The following TNRC6B variants were observed in gnomAD, a reference collection of about 807,000 sequenced individuals.
The protein encoded by TNRC6B is trinucleotide repeat containing adaptor 6B.
A neutral mutation model predicts 203.6 loss-of-function variants in TNRC6B; 52 were observed. The ratio of observed to expected loss-of-function variants is 0.26; its 90% CI spans 0.20 to 0.32. TNRC6B has a LOEUF of 0.32. TNRC6B is among the 10% of genes least tolerant of loss of function. TNRC6B has a pLI of 1.00. For synonymous variants in TNRC6B, 838 were observed against 845.7 expected (o/e 0.99, Z 0.16); for missense variants, 1,923 against 2,286.2 (o/e 0.84, Z 3.24).
rs771159012 is a variant in TNRC6B, at chr22:40,265,182, G to A, written c.952G>A (p.Gly318Arg). The A allele has an allele frequency of 1.9e-6, 3 of 1,613,836 alleles. No individual in the cohort carries two copies. The highest frequency in any genetic ancestry group is 2.7e-5 in the African/African-American group (2 of 74,914). The change falls in exon 5 of 23, where the codon GGA (glycine) becomes AGA (arginine). Residue 318 changes from glycine (G) to arginine (R), a missense_variant. Coordinates refer to ENST00000454349, the MANE Select transcript of TNRC6B (RefSeq NM_001162501.2). ...TGCCTGGCCAGCACTGGTCCAAGAA[G>A]GAACTTCTAGGAAAGGGGCATTGGA... ...PSAWPALVQE[G>R]TSRKGALETD...
intron 3 of TNRC6B, among the ~76,000 whole-genome samples, chr22:40,145,917 C>T (rs1228417983): frequency 4.6e-5 from 7 of 152,130 alleles, no homozygotes. Context: ...GGCATATAAT[C>T]TGCATGGCAA....
chr22:40,195,756 ATTTTG>A (rs561178664), intron 1 of TNRC6B, among the ~76,000 whole-genome samples: 96 of 149,482 alleles, frequency 6.4e-4, no homozygotes, highest in Middle Eastern at 3.6e-3. Flanking sequence ...CCTCAGCTTT[ATTTTG>A]TTTTGTTTTG....
At chr22:40,138,805 C>T (rs1244541057) in intron 3 of TNRC6B, among the ~76,000 whole-genome samples, 1 of 152,054 alleles carries the variant, frequency 6.6e-6, no homozygotes, top group Non-Finnish European at 1.5e-5. Flanking sequence ...TAAGAATTCA[C>T]TCTCTCAAAG....
At chr22:40,170,700 TATAC>T (rs1030293483) in intron 4 of TNRC6B, among the ~76,000 whole-genome samples, 3 of 139,194 alleles carry the variant, frequency 2.2e-5, no homozygotes, top group African/African-American at 7.8e-5. Flanking sequence ...CAAAAATTCC[TATAC>T]ATACATATAT....
At chr22:40,101,204 GGATGGTCTCGA>G (rs1447748202) in intron 1 of TNRC6B, among the ~76,000 whole-genome samples, 1 of 152,114 alleles carries the variant, frequency 6.6e-6, no homozygotes, top group Non-Finnish European at 1.5e-5. Context: ...GCGTTAGCCA[GGATGGTCTCGA>G]TCTCCTAACC....
At chr22:40,093,790 ACTTC>A (rs2068166830) in intron 1 of TNRC6B, among the ~76,000 whole-genome samples, 1 of 152,180 alleles carries the variant, frequency 6.6e-6, no homozygotes, top group East Asian at 1.9e-4. Flanking sequence ...GTGTTGTTTA[ACTTC>A]TCCGTTTCCT....
intron 4 of TNRC6B, among the ~76,000 whole-genome samples, chr22:40,159,053 C>T (rs917990732): frequency 6.6e-6 from 1 of 151,806 alleles, no homozygotes; most frequent in African/African-American, 2.4e-5. Context: ...AGCTCCGCCT[C>T]CCGGGTTCAC....
At chr22:40,243,061 G>GT (rs1413384869) in intron 1 of TNRC6B, among the ~76,000 whole-genome samples, 1 of 151,854 alleles carries the variant, frequency 6.6e-6, no homozygotes, top group Non-Finnish European at 1.5e-5. Context: ...AGTAGAGATG[G>GT]GGTTTCACTG....
intron 2 of TNRC6B, among the ~76,000 whole-genome samples, chr22:40,123,904 T>TA (rs1229724095): frequency 1.3e-5 from 2 of 151,762 alleles, no homozygotes; most frequent in Non-Finnish European, 2.9e-5. Flanking sequence ...CTTTTTTTTT[T>TA]TTTTTTTGCA....
intron 15 of TNRC6B, among the ~76,000 whole-genome samples, chr22:40,302,865 A>G (rs1051567413): frequency 6.6e-6 from 1 of 152,082 alleles, no homozygotes; most frequent in Non-Finnish European, 1.5e-5. Flanking sequence ...CTTAAAGATG[A>G]TCTGCCTGAT....
intron 1 of TNRC6B, among the ~76,000 whole-genome samples, chr22:40,076,282 C>T (rs1601801042): frequency 6.6e-6 from 1 of 152,138 alleles, no homozygotes; most frequent in East Asian, 1.9e-4. Context: ...GCAGACATGG[C>T]AGCATACATC....
intron 1 of TNRC6B, among the ~76,000 whole-genome samples, chr22:40,088,154 ATC>A (rs1317314292): frequency 1.3e-5 from 2 of 152,162 alleles, no homozygotes; most frequent in African/African-American, 4.8e-5. Context: ...AGACTTTCCT[ATC>A]TCGTCTCATC....
chr22:40,307,548 C>T (rs886619221), intron 15 of TNRC6B, among the ~76,000 whole-genome samples: 3 of 151,998 alleles, frequency 2.0e-5, no homozygotes, highest in Admixed American at 6.6e-5. Flanking sequence ...AAATGGATGA[C>T]GGACCCTGTT....
At chr22:40,120,100 T>G (rs547642645) in intron 2 of TNRC6B, among the ~76,000 whole-genome samples, 108 of 152,228 alleles carry the variant, frequency 7.1e-4, no homozygotes, top group Middle Eastern at 3.4e-3. Flanking sequence ...GGCTCACACC[T>G]AAATCCCAGC....
intron 2 of TNRC6B, among the ~76,000 whole-genome samples, chr22:40,117,903 C>A (rs983985184): frequency 6.6e-6 from 1 of 152,088 alleles, no homozygotes; most frequent in Non-Finnish European, 1.5e-5. Context: ...AATATATAAA[C>A]CCTTTGAGAC....
chr22:40,202,371 A>G lies in TNRC6B; in HGVS notation c.5+24231A>G, dbSNP rs574558367. 4.6e-5 allele frequency among the ~76,000 whole-genome samples: 7 copies of G among 151,904 alleles called. No individual in the cohort carries two copies. In the South Asian group the frequency reaches 1.5e-3, roughly 32 times the overall value. On this transcript the variant is annotated intron_variant, in intron 1 of 22. Transcript: ENST00000454349. Reference sequence around the variant, plus strand: ...TACTTTTCACATTTGAAAGAATCAAATAACTTATTTTTAGGGTATTATAAT... The same window carrying G: ...TACTTTTCACATTTGAAAGAATCAAGTAACTTATTTTTAGGGTATTATAAT...
chr22:40,127,333 A>G (rs2068502250), intron 3 of TNRC6B, among the ~76,000 whole-genome samples: 1 of 151,954 alleles, frequency 6.6e-6, no homozygotes, highest in Non-Finnish European at 1.5e-5. Flanking sequence ...TTCCCATATC[A>G]CCAGATTTCT....
At position 40,247,203 on chromosome 22, in the gene TNRC6B, A is replaced by G. The variant is rs187526803; in HGVS notation, c.93+1101A>G. Among the ~76,000 whole-genome samples, 5 of 152,182 alleles carry G rather than the reference A, an allele frequency of 3.3e-5. No individual in the cohort carries two copies. The East Asian group carries it at 9.7e-4, about 29-fold the overall frequency. ...GAGGTAAGGTGATTTTCTGTCAGGTATTGTTACTGCTATGTAAAGCATTTG... is the reference window on the plus strand; with the variant it reads ...GAGGTAAGGTGATTTTCTGTCAGGTGTTGTTACTGCTATGTAAAGCATTTG... On this transcript the variant is annotated intron_variant, in intron 2 of 22. Coordinates refer to ENST00000454349, the MANE Select transcript of TNRC6B (RefSeq NM_001162501.2).
intron 1 of TNRC6B, chr22:40,106,882 A>G (rs540533504): frequency 1.5e-4 from 148 of 976,046 alleles, no homozygotes; most frequent in Non-Finnish European, 2.0e-4. Flanking sequence ...CCATCTGCCT[A>G]TGTTCCTTGT....
Sources: gnomAD v4.1 joint callset for allele counts (sites outside exome capture counted in the v4.1 genomes callset) on GRCh38, gnomAD v4.1.1 for gene constraint, MANE v1.5 for transcripts, NCBI Gene and HGNC (gene_info 2026-07-23, HGNC 2026-07-21) for gene names.